Variants in AFAP1L2 observed in about 807,000 individuals in gnomAD.
The protein encoded by AFAP1L2 is actin filament-associated protein 1-like 2.
A neutral mutation model predicts 99.3 loss-of-function variants in AFAP1L2; 46 were observed. That is an observed-to-expected ratio of 0.46 (90% CI 0.37 to 0.59). The LOEUF is 0.59. Ranked by LOEUF, AFAP1L2 falls within the 20% of genes least tolerant of loss-of-function variation. The pLI, the probability that AFAP1L2 is intolerant of heterozygous loss-of-function variation, is 0.00. For synonymous variants in AFAP1L2, 397 were observed against 419.1 expected (o/e 0.95, Z 0.64); for missense variants, 959 against 1,034.9 (o/e 0.93, Z 1.01).
intron 1 of AFAP1L2, among the ~76,000 whole-genome samples, chr10:114,388,087 A>T (rs533639573): frequency 6.6e-6 from 1 of 152,234 alleles, no homozygotes; most frequent in African/African-American, 2.4e-5. Flanking sequence ...ATATGCTCAA[A>T]TTTTTCCTGT....
chr10:114,381,408 G>A (rs980193036), intron 1 of AFAP1L2, among the ~76,000 whole-genome samples: 1 of 152,106 alleles, frequency 6.6e-6, no homozygotes, highest in African/African-American at 2.4e-5. Context: ...AGATGAAGGG[G>A]TGATCAATAA....
downstream of AFAP1L2, among the ~76,000 whole-genome samples, chr10:114,290,930 A>G (rs1489427004): frequency 6.6e-6 from 1 of 152,194 alleles, no homozygotes. Context: ...GAGGCATTAG[A>G]GGTCCAACTA....
intron 3 of AFAP1L2, among the ~76,000 whole-genome samples, chr10:114,332,107 T>C (rs373242579): frequency 2.4e-4 from 37 of 152,304 alleles, no homozygotes; most frequent in African/African-American, 8.2e-4. Context: ...CTGGGGTTTC[T>C]GGCAGCCTCT....
chr10:114,373,311 A>T (rs1362989027), intron 1 of AFAP1L2, among the ~76,000 whole-genome samples: 1 of 152,152 alleles, frequency 6.6e-6, no homozygotes, highest in Non-Finnish European at 1.5e-5. Context: ...GTCAACGAGG[A>T]AAATCCCTTC....
At chr10:114,326,090 C>T in intron 4 of AFAP1L2, 1 of 1,260,254 alleles carries the variant, frequency 7.9e-7, no homozygotes, top group Non-Finnish European at 1.0e-6. Flanking sequence ...GCAGGAGCTC[C>T]CCATGGGTCA....
At chr10:114,291,065 A>G (rs115776196), downstream of AFAP1L2, among the ~76,000 whole-genome samples, 856 of 152,104 alleles carry the variant, frequency 5.6e-3, 14 homozygotes, top group African/African-American at 0.02. Context: ...GCTCTGGAGG[A>G]TAATCACATG....
chr10:114,286,074 C>G, the AFAP1L2 span: 407 of 1,614,164 alleles, frequency 2.5e-4, 5 homozygotes, highest in East Asian at 8.9e-3. Flanking sequence ...AGCGAGGACT[C>G]TCGGGCCCGA....
chr10:114,404,549 G>C (rs1042005181), upstream of AFAP1L2: 3 of 1,435,060 alleles, frequency 2.1e-6, no homozygotes, highest in African/African-American at 3.0e-5. Flanking sequence ...GCCCCTCCCC[G>C]TGAGGTCACG....
intron 4 of AFAP1L2, among the ~76,000 whole-genome samples, chr10:114,327,897 G>C (rs1045267048): frequency 1.3e-5 from 2 of 152,236 alleles, no homozygotes; most frequent in East Asian, 1.9e-4. Flanking sequence ...GCTCCCAGGT[G>C]GGGGTGAGTG....
chr10:114,350,318 C>T (rs1294812032), intron 1 of AFAP1L2, among the ~76,000 whole-genome samples: 2 of 152,246 alleles, frequency 1.3e-5, no homozygotes, highest in East Asian at 3.8e-4. Flanking sequence ...CTTGACGATT[C>T]AGCCGTCTTT....
intron 10 of AFAP1L2, among the ~76,000 whole-genome samples, chr10:114,306,880 G>A (rs2042537682): frequency 6.6e-6 from 1 of 152,118 alleles, no homozygotes; most frequent in African/African-American, 2.4e-5. Flanking sequence ...TGAGGCCACT[G>A]CCTGGCACCC....
At chr10:114,308,915 C>T (rs1387370002) in intron 8 of AFAP1L2, among the ~76,000 whole-genome samples, 1 of 152,202 alleles carries the variant, frequency 6.6e-6, no homozygotes, top group Non-Finnish European at 1.5e-5. Context: ...GATTTGAGTC[C>T]TGGCCGGAGC....
intron 1 of AFAP1L2, among the ~76,000 whole-genome samples, chr10:114,388,419 AC>A (rs1411509103): frequency 1.3e-5 from 2 of 151,338 alleles, no homozygotes; most frequent in Non-Finnish European, 2.9e-5. Context: ...ACTCTCCATC[AC>A]CCCCAGGCTA....
At chr10:114,284,870 T>A in the AFAP1L2 span, 1 of 1,608,400 alleles carries the variant, frequency 6.2e-7, no homozygotes, top group South Asian at 1.1e-5. Context: ...TAGGCCCCTG[T>A]GACTCGCAGC....
intron 1 of AFAP1L2, among the ~76,000 whole-genome samples, chr10:114,369,048 CA>C (rs1436523597): frequency 6.6e-6 from 1 of 152,172 alleles, no homozygotes; most frequent in Non-Finnish European, 1.5e-5. Context: ...AGAAGAGGAA[CA>C]AAATCCTATC....
Position 114,297,076 on chromosome 10 carries a change from C to G in AFAP1L2, c.2332G>C (p.Ala778Pro), listed in dbSNP as rs201440025. 6.6e-5 allele frequency: 106 copies of G among 1,613,994 alleles called. No homozygotes were observed. The highest frequency in any genetic ancestry group is 9.3e-6 in the Non-Finnish European group (11 of 1,180,008). The change falls in exon 18 of 19, where the codon GCC becomes CCC. Residue 778 changes from alanine (A) to proline (P), a missense_variant. Ala to Pro is a conservative substitution (Grantham distance 27, BLOSUM62 -1). This residue lies in a region of AFAP1L2 where 576 missense variants were observed against 562.1 expected (regional missense o/e 1.02). Transcript: ENST00000304129. The stretch of plus-strand genomic sequence containing the variant: ...GAGTTGACTGGGGTACAGTCTGGGG[C>G]AGAGGCAGGTGTGACAGCTTTGGGC... ...PRPKAVTPAS[A>P]PDCTPVNSAT...
intron 1 of AFAP1L2, among the ~76,000 whole-genome samples, chr10:114,360,521 A>T (rs371726313): frequency 0.011 from 1,546 of 145,782 alleles, 10 homozygotes; most frequent in Non-Finnish European, 0.016. Flanking sequence ...AGATAGATAG[A>T]TAGATAGATA....
intron 1 of AFAP1L2, among the ~76,000 whole-genome samples, chr10:114,359,725 A>G (rs534426752): frequency 6.6e-6 from 1 of 152,332 alleles, no homozygotes; most frequent in South Asian, 2.1e-4. Context: ...GTACACTGTA[A>G]TAGTATATCC....
chr10:114,340,539 G>A (rs1590321528), intron 2 of AFAP1L2, 64 bp downstream of exon 2: 14 of 1,550,816 alleles, frequency 9.0e-6, no homozygotes, highest in East Asian at 4.5e-5. Flanking sequence ...ATGGCAGCCC[G>A]CACTGACTCA....
Sources: allele counts gnomAD v4.1 joint callset (sites outside exome capture counted in the v4.1 genomes callset), GRCh38; gene constraint gnomAD v4.1.1; regional missense constraint gnomAD v4.1.1; transcripts MANE v1.5; gene names NCBI Gene and HGNC (gene_info 2026-07-23, HGNC 2026-07-21).